RNF182: variants seen among roughly 807,000 people sequenced by gnomAD.
RNF182 encodes the protein E3 ubiquitin-protein ligase RNF182.
A neutral mutation model predicts 14.4 loss-of-function variants in RNF182; 15 were observed. The observed-to-expected ratio is 1.04, with a 90% CI of 0.70 to 1.60. The LOEUF (loss-of-function observed/expected upper bound fraction) is 1.60, where lower values mean the gene tolerates loss of function less well. Ranked by LOEUF, RNF182 falls within the 40% of genes most tolerant of loss-of-function variation. RNF182 has a pLI of 0.00. For synonymous variants in RNF182, 128 were observed against 122.9 expected, an observed-to-expected ratio of 1.04 and a Z score of -0.27; for missense variants, 268 against 294.8, an observed-to-expected ratio of 0.91 and a Z score of 0.67.
chr6:13,938,009 T>G (rs1048749798), intron 1 of RNF182, among the ~76,000 whole-genome samples: 3 of 136,814 alleles, frequency 2.2e-5, no homozygotes, highest in African/African-American at 8.1e-5. Flanking sequence ...TTACTGTTTT[T>G]TTTTTTTTTT....
At chr6:13,966,831 CGTGTGTGTGT>C in intron 1 of RNF182, among the ~76,000 whole-genome samples, 1 of 98,970 alleles carries the variant, frequency 1.0e-5, no homozygotes, top group East Asian at 4.1e-4. Context: ...TGTGCGCGTG[CGTGTGTGTGT>C]GTGTGTGTGT....
chr6:13,961,936 CTT>C (rs1759895083), intron 1 of RNF182, among the ~76,000 whole-genome samples: 1 of 151,960 alleles, frequency 6.6e-6, no homozygotes, highest in African/African-American at 2.4e-5. Flanking sequence ...TGAGCCTATT[CTT>C]TTTAGGATTT....
intron 1 of RNF182, among the ~76,000 whole-genome samples, chr6:13,942,488 C>T (rs917613491): frequency 2.6e-5 from 4 of 151,946 alleles, no homozygotes; most frequent in Non-Finnish European, 5.9e-5. Context: ...ACTGACTACA[C>T]GTGCCACCAC....
intron 1 of RNF182, among the ~76,000 whole-genome samples, chr6:13,934,296 A>G (rs9475806): frequency 0.31 from 46,813 of 151,966 alleles, 7,820 homozygotes; most frequent in East Asian, 0.57. Context: ...TCCTGTTGTT[A>G]TGATGACTAT....
chr6:13,964,584 C>T (rs1759969264), intron 1 of RNF182, among the ~76,000 whole-genome samples: 1 of 152,132 alleles, frequency 6.6e-6, no homozygotes, highest in Non-Finnish European at 1.5e-5. Context: ...AGCCAGCAGA[C>T]CCCTGAGTGC....
chr6:13,954,622 T>C (rs935573123), intron 1 of RNF182, among the ~76,000 whole-genome samples: 1 of 152,176 alleles, frequency 6.6e-6, no homozygotes, highest in African/African-American at 2.4e-5. Context: ...TATGTGTTGC[T>C]CAAGACAATT....
chr6:13,941,793 G>A (rs1759306262), intron 1 of RNF182, among the ~76,000 whole-genome samples: 1 of 152,052 alleles, frequency 6.6e-6, no homozygotes, highest in Admixed American at 6.5e-5. Context: ...ATGGTGTAGT[G>A]TTATTAGAAT....
intron 1 of RNF182, among the ~76,000 whole-genome samples, chr6:13,932,871 C>T (rs962147289): frequency 2.6e-5 from 4 of 152,138 alleles, no homozygotes; most frequent in African/African-American, 9.7e-5. Flanking sequence ...ATATTTAATT[C>T]TAAACCTTCT....
intron 1 of RNF182, among the ~76,000 whole-genome samples, chr6:13,928,017 G>A (rs1168691957): frequency 6.6e-6 from 1 of 152,208 alleles, no homozygotes; most frequent in East Asian, 1.9e-4. Flanking sequence ...AGGCACAGGA[G>A]ACACATGGTC....
intron 1 of RNF182, among the ~76,000 whole-genome samples, chr6:13,957,738 A>C (rs1759765308): frequency 1.3e-5 from 2 of 152,232 alleles, no homozygotes; most frequent in African/African-American, 4.8e-5. Flanking sequence ...TTTTTAGAAC[A>C]CTGTGAATAC....
Position 13,978,125 on chromosome 6 carries a change from T to C in RNF182, c.*262T>C. ...GAGTCTTCCCAGAGAAAGGACAGGGTTTCTCTCAGCACTGCCAGACAGACG... is the reference window on the plus strand; with the variant it reads ...GAGTCTTCCCAGAGAAAGGACAGGGCTTCTCTCAGCACTGCCAGACAGACG... On this transcript the variant is annotated 3_prime_UTR_variant, in exon 3 of 3. Transcript: ENST00000488300. 1 of 409,068 alleles carries C rather than the reference T, an allele frequency of 2.4e-6. No homozygotes were observed. The allele number at this position is 409,068 out of a possible 1,614,324, so 25.3% of individuals were successfully genotyped here. A position where few individuals can be genotyped will look rare whatever the true frequency, so the allele number is the denominator to read the frequency against.
chr6:13,935,681 C>T (rs1312540192), intron 1 of RNF182, among the ~76,000 whole-genome samples: 2 of 152,186 alleles, frequency 1.3e-5, no homozygotes, highest in African/African-American at 2.4e-5. Context: ...TTGTTATGAT[C>T]TCTTAATCAT....
At chr6:13,950,976 T>A (rs1301750731) in intron 1 of RNF182, among the ~76,000 whole-genome samples, 1 of 151,844 alleles carries the variant, frequency 6.6e-6, no homozygotes, top group Non-Finnish European at 1.5e-5. Flanking sequence ...TTTGTATATT[T>A]AGTAGAGACG....
At chr6:13,931,651 CT>C (rs140434744) in intron 1 of RNF182, among the ~76,000 whole-genome samples, 79 of 148,120 alleles carry the variant, frequency 5.3e-4, no homozygotes, top group African/African-American at 1.4e-3. Flanking sequence ...CTTTTTTTCT[CT>C]TTTTTTTTTA....
At position 13,977,072 on chromosome 6, in the gene RNF182, A is replaced by G. The variant is rs1407733524; in HGVS notation, c.-48A>G. The G allele has an allele frequency of 5.8e-6, 9 of 1,559,772 alleles. No individual in the cohort carries two copies. Among genetic ancestry groups the G allele is most frequent in the Non-Finnish European group, 7.8e-6 (9 of 1,151,068 alleles). On this transcript the variant is annotated 5_prime_UTR_variant, in exon 3 of 3. Transcript: ENST00000488300. ...TCAGAGGGGCACCTTAATCAAAGCC[A>G]TTCTTCAACAAGACCCACCTGGCAT...
intron 1 of RNF182, among the ~76,000 whole-genome samples, chr6:13,969,829 GT>G (rs1454497004): frequency 7.5e-6 from 1 of 133,780 alleles, no homozygotes; most frequent in Non-Finnish European, 1.7e-5. Flanking sequence ...TCATTGGTTA[GT>G]TAGGAATACC....
Position 13,979,165 on chromosome 6 carries a change from G to A in RNF182, c.*1302G>A. 6.0e-6 allele frequency: 1 copy of A among 167,132 alleles called. No individual in the cohort carries two copies. 10.4% of individuals were successfully genotyped at this position (167,132 alleles called of 1,614,324 possible). On this transcript the variant is annotated 3_prime_UTR_variant, in exon 3 of 3. Transcript: ENST00000488300. ...TATTTTGAATACAAGCATAATCTAGGTGATTTGAGTTAATGAACTTCTTTT... is the reference window on the plus strand; with the variant it reads ...TATTTTGAATACAAGCATAATCTAGATGATTTGAGTTAATGAACTTCTTTT...
At chr6:13,968,624 A>G (rs1223841817) in intron 1 of RNF182, among the ~76,000 whole-genome samples, 2 of 152,352 alleles carry the variant, frequency 1.3e-5, no homozygotes, top group South Asian at 2.1e-4. Context: ...AATTTTCAGT[A>G]CAGATGTAAA....
chr6:13,929,271 A>G (rs280143), intron 1 of RNF182, among the ~76,000 whole-genome samples: 51,382 of 152,096 alleles, frequency 0.34, 10,869 homozygotes, highest in Admixed American at 0.49. Flanking sequence ...AACATATTGT[A>G]TTTGAGTGAG....
Sources: allele counts gnomAD v4.1 joint callset (sites outside exome capture counted in the v4.1 genomes callset), GRCh38; gene constraint gnomAD v4.1.1; transcripts MANE v1.5; gene names NCBI Gene and HGNC (gene_info 2026-07-23, HGNC 2026-07-21).